The following LSG1 variants were observed in gnomAD, a reference collection of about 807,000 sequenced individuals.
LSG1 encodes large subunit GTPase 1 homolog.
Under a neutral mutation model 82.6 loss-of-function variants are expected in LSG1, and 55 were observed. The ratio of observed to expected loss-of-function variants is 0.67; its 90% confidence interval spans 0.54 to 0.83. The LOEUF (loss-of-function observed/expected upper bound fraction) is 0.83. Ranked by LOEUF, LSG1 falls within the 40% of genes least tolerant of loss-of-function variation. The pLI is 0.00. For missense variants in LSG1, 809 were observed against 807.9 expected, an observed-to-expected ratio of 1.00 and a Z score of -0.02; for synonymous variants, 272 against 282.5, an observed-to-expected ratio of 0.96 and a Z score of 0.37.
chr3:194,664,851 C>T (rs1358475083), intron 5 of LSG1, among the ~76,000 whole-genome samples: 3 of 152,050 alleles, frequency 2.0e-5, no homozygotes, highest in Admixed American at 6.6e-5. Context: ...ACCCAGGAGG[C>T]GGAGGTTGTG....
At position 194,641,574 on chromosome 3, in the gene LSG1, T is replaced by TCTTTCACC. The variant is rs1718382853; in HGVS notation, c.*486_*493dup. On this transcript the variant is annotated 3_prime_UTR_variant, in exon 14 of 14. Coordinates refer to ENST00000265245, the MANE Select transcript of LSG1 (RefSeq NM_018385.3). ...TAGGACACTCAGAATGGGGAATTTC[T>TCTTTCACC]CTTTCACCTTCGTCCCAAATGTGTC... is the stretch of plus-strand genomic sequence containing the variant. 6.6e-6 allele frequency: 1 copy of TCTTTCACC among 152,394 alleles called. No homozygotes were observed. The highest frequency in any genetic ancestry group is 1.5e-5 in the Non-Finnish European group (1 of 68,186). 9.4% of individuals were successfully genotyped at this position (152,394 alleles called of 1,614,324 possible). A position where few individuals can be genotyped will look rare whatever the true frequency, so the allele number is the denominator to read the frequency against.
At chr3:194,652,524 CCA>C (rs914235276) in intron 8 of LSG1, among the ~76,000 whole-genome samples, 56 of 152,308 alleles carry the variant, frequency 3.7e-4, no homozygotes, top group African/African-American at 1.2e-3. Context: ...AGGTATGTTA[CCA>C]ACACAGGCCT....
chr3:194,662,239 C>T (rs530857431), intron 5 of LSG1, among the ~76,000 whole-genome samples: 4 of 152,318 alleles, frequency 2.6e-5, no homozygotes, highest in Admixed American at 2.0e-4. Context: ...CCACACAGCC[C>T]CCATTCCCCA....
At chr3:194,667,942 A>AAAATATATATATATAT (rs1416407494) in intron 2 of LSG1, among the ~76,000 whole-genome samples, 3 of 86,960 alleles carry the variant, frequency 3.4e-5, no homozygotes, top group Non-Finnish European at 6.1e-5. Flanking sequence ...AAAAAAAAAA[A>AAAATATATATATATAT]ATATATATAT....
intron 2 of LSG1, among the ~76,000 whole-genome samples, chr3:194,669,493 C>T (rs555318217): frequency 9.9e-5 from 15 of 152,278 alleles, no homozygotes; most frequent in African/African-American, 3.4e-4. Flanking sequence ...CACCTGTGCT[C>T]ATCACATCCC....
rs144487059 is a variant in LSG1, at chr3:194,643,080, C to T, written c.1798-833G>A. Among the ~76,000 whole-genome samples the T allele has an allele frequency of 3.9e-3, 588 of 152,314 alleles. 6 individuals carry two copies. The highest frequency in any genetic ancestry group is 0.012 in the Admixed American group (181 of 15,306). ...CTGATCACCCCATCCTAACCCCTGT[C>T]CTATTTTCGCTATAGTAGTCACTTA... is the stretch of plus-strand genomic sequence containing the variant. On this transcript the variant is annotated intron_variant, in intron 13 of 13. Transcript: ENST00000265245.
chr3:194,645,513 C>CACACACACACAGACAG lies in LSG1; in HGVS notation c.1623+650_1623+651insCTGTCTGTGTGTGTGT, dbSNP rs1718506020. 2 of 52,192 alleles carry CACACACACACAGACAG rather than the reference C, an allele frequency of 3.8e-5. 1 individual carries two copies. The highest frequency in any genetic ancestry group is 1.2e-4 in the African/African-American group (2 of 16,076). 3.2% of individuals were successfully genotyped at this position (52,192 alleles called of 1,614,324 possible). Reference sequence around the variant, plus strand: ...TTAGTGCTACACACACACACACACACACACACACACACACACAGACAGACA... The same window carrying CACACACACACAGACAG: ...TTAGTGCTACACACACACACACACACACACACACACAGACAGACACACACACACACACAGACAGACA... On this transcript the variant is annotated intron_variant, in intron 12 of 13. Transcript: ENST00000265245.
intron 7 of LSG1, among the ~76,000 whole-genome samples, chr3:194,655,959 T>C (rs1718781260): frequency 6.6e-6 from 1 of 152,182 alleles, no homozygotes; most frequent in African/African-American, 2.4e-5. Flanking sequence ...TGTAGAAAGC[T>C]GAAACTGGAT....
chr3:194,665,674 GC>G, intron 4 of LSG1, 31 bp from the exon 5 acceptor site: 1 of 1,368,542 alleles, frequency 7.3e-7, no homozygotes, highest in Non-Finnish European at 1.0e-6. Context: ...TTATATATTT[GC>G]CAGATTATAA....
intron 13 of LSG1, 75 bp from the exon 14 acceptor site, chr3:194,642,322 G>T: frequency 7.8e-7 from 1 of 1,278,918 alleles, no homozygotes; most frequent in South Asian, 1.6e-5. Flanking sequence ...TACTATTAGT[G>T]GATCACTTCA....
Position 194,660,087 on chromosome 3 carries a change from T to C in LSG1, c.568A>G (p.Arg190Gly). 1 of 1,614,068 alleles carries C rather than the reference T, an allele frequency of 6.2e-7. No individual in the cohort carries two copies. The highest frequency in any genetic ancestry group is 1.1e-5 in the South Asian group (1 of 91,078). Reference sequence around the variant, plus strand: ...ACTTGACTTACCAAATCCTCACATCTAAACAGGAGTGGGTTTCGAGCATCT... The same window carrying C: ...ACTTGACTTACCAAATCCTCACATCCAAACAGGAGTGGGTTTCGAGCATCT... The part of the protein sequence containing the change: ...IVDARNPLLF[R>G]CEDLECYVKE... The change falls in exon 6 of 14, where the codon AGA becomes GGA. Residue 190 changes from arginine to glycine, a missense_variant. By Grantham distance (125) the Arg-to-Gly change is moderately radical. Transcript: ENST00000265245.
intron 7 of LSG1, among the ~76,000 whole-genome samples, chr3:194,654,066 G>T (rs1325209382): frequency 1.3e-5 from 2 of 152,192 alleles, no homozygotes; most frequent in Admixed American, 1.3e-4. Flanking sequence ...GGCAGACTTT[G>T]CCATTTGCAG....
Position 194,652,838 on chromosome 3 carries a change from C to T in LSG1, c.1064G>A (p.Arg355Lys). 6.2e-7 allele frequency: 1 copy of T among 1,614,098 alleles called. No homozygotes were observed. The highest frequency in any genetic ancestry group is 8.5e-7 in the Non-Finnish European group (1 of 1,180,026). Reference protein sequence around the residue: ...EARSRKTPQKRQIHNFSHLVS... With the variant: ...EARSRKTPQKKQIHNFSHLVS... ...CAGATGGCTAAAATTGTGTATCTGC[C>T]TCTTCTGTGGGGTTTTCCTGCTCCG... Residue 355 changes from arginine to lysine, a missense_variant, in exon 8 of 14, where the codon AGG becomes AAG. By Grantham distance (26) the Arg-to-Lys change is conservative. Coordinates refer to ENST00000265245, the MANE Select transcript of LSG1 (RefSeq NM_018385.3).
In LSG1 at chr3:194,644,386, ATAAATAAATAAAT is replaced by A. The variant is rs1560218802; in HGVS notation, c.1797+174_1797+186del. Among the ~76,000 whole-genome samples the A allele has an allele frequency of 6.3e-5, 6 of 95,122 alleles. 1 individual carries two copies. The highest frequency in any genetic ancestry group is 3.1e-4 in the South Asian group (1 of 3,202). The allele number at this position is 95,122 out of a possible 152,430, so 62.4% of individuals were successfully genotyped here. ...TCCGTCTCAAAAAAAAAAAATAAAA[ATAAATAAATAAAT>A]AAATAAATAAATAAATAAATAAATA... On this transcript the variant is annotated intron_variant, in intron 13 of 13. Coordinates refer to ENST00000265245, the MANE Select transcript of LSG1 (RefSeq NM_018385.3).
intron 5 of LSG1, among the ~76,000 whole-genome samples, chr3:194,662,447 CAGG>C (rs1408462255): frequency 6.6e-6 from 1 of 152,196 alleles, no homozygotes; most frequent in Non-Finnish European, 1.5e-5. Context: ...CCTTTCCTGG[CAGG>C]AGATCATTCT....
In LSG1 at chr3:194,641,515, C is replaced by G. The variant is rs1718380354; in HGVS notation, c.*553G>C. ...AGCCCCCGCTGTACACTAACTGAAC[C>G]CAAGTCCCTTGTTTAGAGTCGGAGG... On this transcript the variant is annotated 3_prime_UTR_variant, in exon 14 of 14. Transcript: ENST00000265245. 2.0e-5 allele frequency: 3 copies of G among 152,302 alleles called. No homozygotes were observed. Among genetic ancestry groups the G allele is most frequent in the Admixed American group, 2.0e-4 (3 of 15,292 alleles). The allele number at this position is 152,302 out of a possible 1,614,324, so 9.4% of individuals were successfully genotyped here. A position where few individuals can be genotyped will look rare whatever the true frequency, so the allele number is the denominator to read the frequency against.
At chr3:194,665,790 A>T (rs1719018747) in intron 4 of LSG1, 147 bp from the exon 5 acceptor site, 1 of 570,834 alleles carries the variant, frequency 1.8e-6, no homozygotes, top group Non-Finnish European at 3.1e-6. Flanking sequence ...CTGCTGAGAC[A>T]CCATAAAAAT....
intron 11 of LSG1, among the ~76,000 whole-genome samples, chr3:194,647,808 T>C (rs189229797): frequency 6.6e-6 from 1 of 152,314 alleles, no homozygotes; most frequent in Admixed American, 6.5e-5. Flanking sequence ...TTCGGATGAT[T>C]ACTCTTAAAA....
At position 194,642,261 on chromosome 3, in the gene LSG1, G is replaced by GA; in HGVS notation, c.1798-15dup. ...CCTCACATTCTCCTAGGAAATAAGA[G>GA]AAAACATTATCTGAGCTGTCAGCAG... On this transcript the variant is annotated splice_polypyrimidine_tract_variant and intron_variant, in intron 13 of 13. Coordinates refer to ENST00000265245, the MANE Select transcript of LSG1 (RefSeq NM_018385.3). The GA allele has an allele frequency of 6.2e-7, 1 of 1,608,626 alleles. No homozygotes were observed. Among genetic ancestry groups the GA allele is most frequent in the African/African-American group, 1.3e-5 (1 of 74,672 alleles).
Sources: allele counts gnomAD v4.1 joint callset (sites outside exome capture counted in the v4.1 genomes callset), GRCh38; gene constraint gnomAD v4.1.1; transcripts MANE v1.5; gene names NCBI Gene and HGNC (gene_info 2026-07-23, HGNC 2026-07-21).